SDCCAG8: variants seen among roughly 807,000 people sequenced by gnomAD.
SDCCAG8 encodes the protein serologically defined colon cancer antigen 8.
SDCCAG8 carries 74 observed loss-of-function variants against 101.8 expected under a neutral mutation model. The ratio of observed to expected loss-of-function variants is 0.73; its 90% CI spans 0.60 to 0.88. The LOEUF (loss-of-function observed/expected upper bound fraction) is 0.88, where lower values mean the gene tolerates loss of function less well. SDCCAG8 is among the 40% of genes least tolerant of loss of function. The probability of loss-of-function intolerance (pLI) is 0.00; values close to 1 mark genes in which losing one functional copy is unlikely to be tolerated. For missense variants in SDCCAG8, 787 were observed against 822.6 expected (o/e 0.96, Z 0.53); for synonymous variants, 281 against 292.9 (o/e 0.96, Z 0.41).
rs749184333 is a variant in SDCCAG8 at position 243,308,013 on chromosome 1, A to G, written c.765A>G (p.Arg255=). 6.2e-7 allele frequency: 1 copy of G among 1,614,064 alleles called. No homozygotes were observed. Among genetic ancestry groups the G allele is most frequent in the South Asian group, 1.1e-5 (1 of 91,086 alleles). ...FLRNDLAEYQ[R]TCEDLKEQLK... ...GGAACGACTTAGCTGAATATCAGAG[A>G]ACTTGTGAAGATCTTAAAGAGCAAC... Residue 255 remains arginine (R), a synonymous_variant, in exon 8 of 18, where the codon AGA becomes AGG. Transcript: ENST00000366541.
intron 16 of SDCCAG8, among the ~76,000 whole-genome samples, chr1:243,486,823 G>A (rs1001837691): frequency 6.6e-6 from 1 of 152,220 alleles, no homozygotes; most frequent in South Asian, 2.1e-4. Context: ...GCCATGTCAT[G>A]GTGTCACTTG....
chr1:243,294,047 CT>C (rs2070542755), intron 6 of SDCCAG8, among the ~76,000 whole-genome samples: 1 of 151,974 alleles, frequency 6.6e-6, no homozygotes, highest in Non-Finnish European at 1.5e-5. Flanking sequence ...CCATGTTTGT[CT>C]CTTGGCTCTT....
At chr1:243,479,004 G>A (rs115128570) in intron 16 of SDCCAG8, among the ~76,000 whole-genome samples, 1 of 150,850 alleles carries the variant, frequency 6.6e-6, no homozygotes. Flanking sequence ...TCTGAGCAAG[G>A]ATAATGGGCT....
intron 13 of SDCCAG8, among the ~76,000 whole-genome samples, chr1:243,407,055 A>G (rs2079836121): frequency 6.6e-6 from 1 of 150,988 alleles, no homozygotes; most frequent in African/African-American, 2.4e-5. Flanking sequence ...TTTCCCCAAA[A>G]CTCGTTTATT....
chr1:243,274,790 G>C, intron 4 of SDCCAG8, 134 bp downstream of exon 4: 2 of 607,088 alleles, frequency 3.3e-6, no homozygotes, highest in South Asian at 3.8e-5. Flanking sequence ...ACGTGATTGA[G>C]AGACTGATGT....
chr1:243,270,139 T>G lies in SDCCAG8; in HGVS notation c.102T>G (p.Cys34Trp), dbSNP rs754715125. The G allele has an allele frequency of 6.2e-7, 1 of 1,614,238 alleles. No homozygotes were observed. The highest frequency in any genetic ancestry group is 2.2e-5 in the East Asian group (1 of 44,890). ...HASRSIHQLT[C>W]ALKEGDVTIG... ...GCAGAAGCATTCACCAACTGACATG[T>G]GCCCTGAAAGAAGGCGATGTCACTA... Residue 34 changes from cysteine to tryptophan, a missense_variant, in exon 2 of 18, where the codon TGT (cysteine) becomes TGG (tryptophan). Coordinates refer to ENST00000366541, the MANE Select transcript of SDCCAG8 (RefSeq NM_006642.5).
intron 16 of SDCCAG8, among the ~76,000 whole-genome samples, chr1:243,453,312 C>T (rs1263810709): frequency 1.3e-5 from 2 of 152,160 alleles, no homozygotes; most frequent in Non-Finnish European, 2.9e-5. Flanking sequence ...GGCTTGAGGC[C>T]CCAGCCCAAG....
At chr1:243,414,403 G>A (rs960072631) in intron 13 of SDCCAG8, among the ~76,000 whole-genome samples, 7 of 152,096 alleles carry the variant, frequency 4.6e-5, no homozygotes, top group Admixed American at 1.3e-4. Context: ...AACCGAGTGC[G>A]ACGCAAGACC....
chr1:243,380,555 T>C (rs754584482), intron 13 of SDCCAG8, among the ~76,000 whole-genome samples: 140 of 152,202 alleles, frequency 9.2e-4, no homozygotes, highest in Non-Finnish European at 1.9e-3. Flanking sequence ...TATCAATTTA[T>C]AGTGTTTGAC....
intron 1 of SDCCAG8, among the ~76,000 whole-genome samples, chr1:243,258,192 T>TAA (rs5782261): frequency 1.7e-4 from 25 of 151,236 alleles, no homozygotes; most frequent in African/African-American, 4.8e-4. Flanking sequence ...TTAAACAACT[T>TAA]AAAAAAAAAC....
chr1:243,335,405 G>A (rs1003240866), intron 10 of SDCCAG8, among the ~76,000 whole-genome samples: 4 of 152,132 alleles, frequency 2.6e-5, no homozygotes, highest in African/African-American at 9.7e-5. Flanking sequence ...TAGGAAATTT[G>A]TATTTTTTGG....
intron 1 of SDCCAG8, among the ~76,000 whole-genome samples, chr1:243,260,090 C>T (rs2067088273): frequency 6.6e-6 from 1 of 152,124 alleles, no homozygotes; most frequent in Admixed American, 6.6e-5. Flanking sequence ...TTTGGGTCGC[C>T]TATGCCCTTT....
intron 11 of SDCCAG8, among the ~76,000 whole-genome samples, chr1:243,341,918 C>T (rs1281369381): frequency 6.6e-6 from 1 of 152,126 alleles, no homozygotes; most frequent in Non-Finnish European, 1.5e-5. Flanking sequence ...GCTTAAAATA[C>T]TCTTTGCATA....
At chr1:243,478,323 G>A (rs1662817281) in intron 16 of SDCCAG8, among the ~76,000 whole-genome samples, 1 of 152,188 alleles carries the variant, frequency 6.6e-6, no homozygotes, top group Admixed American at 6.5e-5. Flanking sequence ...CCTGACCTTG[G>A]GCAAGTCACT....
chr1:243,490,532 G>A (rs374082164), intron 17 of SDCCAG8, among the ~76,000 whole-genome samples: 62 of 152,360 alleles, frequency 4.1e-4, no homozygotes, highest in African/African-American at 1.4e-3. Context: ...GTGTCACTGT[G>A]CTGAATCCCC....
intron 15 of SDCCAG8, among the ~76,000 whole-genome samples, chr1:243,420,744 G>C (rs2080943174): frequency 6.6e-6 from 1 of 152,118 alleles, no homozygotes; most frequent in African/African-American, 2.4e-5. Flanking sequence ...TTTGATTTTA[G>C]GGTTGTTTGT....
At chr1:243,397,641 A>G (rs554589958) in intron 13 of SDCCAG8, among the ~76,000 whole-genome samples, 1 of 152,196 alleles carries the variant, frequency 6.6e-6, no homozygotes, top group Non-Finnish European at 1.5e-5. Flanking sequence ...ATCTCTGTTC[A>G]TTTTGTGAAG....
At chr1:243,483,415 C>T (rs2148237204) in intron 16 of SDCCAG8, among the ~76,000 whole-genome samples, 1 of 152,264 alleles carries the variant, frequency 6.6e-6, no homozygotes, top group Non-Finnish European at 1.5e-5. Context: ...CCCCTGCTCC[C>T]GCCTCCACTC....
chr1:243,468,543 C>T (rs539585069), intron 16 of SDCCAG8, among the ~76,000 whole-genome samples: 1 of 152,132 alleles, frequency 6.6e-6, no homozygotes, highest in Non-Finnish European at 1.5e-5. Context: ...AAAATGCGGC[C>T]AGGTGCAATG....
Sources: allele counts gnomAD v4.1 joint callset (sites outside exome capture counted in the v4.1 genomes callset), GRCh38; gene constraint gnomAD v4.1.1; transcripts MANE v1.5; gene names NCBI Gene and HGNC (gene_info 2026-07-23, HGNC 2026-07-21).